The following TTC24 variants were observed in gnomAD, a reference collection of about 807,000 sequenced individuals.
The protein encoded by TTC24 is tetratricopeptide repeat protein 24.
A neutral mutation model predicts 63.3 loss-of-function variants in TTC24; 54 were observed. The observed-to-expected ratio is 0.85, with a 90% confidence interval of 0.69 to 1.07. The LOEUF (loss-of-function observed/expected upper bound fraction) is 1.07. Ranked by LOEUF, TTC24 falls within the 50% of genes least tolerant of loss-of-function variation. The pLI is 0.00. For synonymous variants in TTC24, 276 were observed against 304.3 expected, an observed-to-expected ratio of 0.91 and a Z score of 0.97; for missense variants, 680 against 730.5, an observed-to-expected ratio of 0.93 and a Z score of 0.80.
intron 3 of TTC24, among the ~76,000 whole-genome samples, 179 bp downstream of exon 3, chr1:156,582,613 T>A (rs879681306): frequency 5.3e-5 from 8 of 151,330 alleles, no homozygotes; most frequent in Non-Finnish European, 8.8e-5. Context: ...GGACAGAGGG[T>A]TGTGGGCCCA....
chr1:156,581,778 C>G lies in TTC24; in HGVS notation c.414C>G (p.Ala138=), dbSNP rs137899270. The change falls in exon 2 of 11, where the codon GCC becomes GCG. Residue 138 remains alanine, a synonymous_variant. Transcript: ENST00000368236. ...TCGGCGAGCTGCCTCAAGCTTTGGC[C>G]TGGTACCACAGGGCCCTGGGCCACT... The part of the protein sequence containing the change: ...HALGELPQAL[A]WYHRALGHYQ... 6.4e-7 allele frequency: 1 copy of G among 1,551,656 alleles called. No homozygotes were observed.
Position 156,586,035 on chromosome 1 carries a change from C to G in TTC24, c.1657C>G (p.Gln553Glu), listed in dbSNP as rs200997261. ...YPSILVPNGPQANRSSRWPRE... is the reference protein window; with the variant it reads ...YPSILVPNGPEANRSSRWPRE... ...TAGCATCTTGGTACCCAATGGCCCT[C>G]AAGCCAATAGGTGGGTCCTTGGGGG... The change falls in exon 10 of 11, where the codon CAA becomes GAA. Residue 553 changes from glutamine (Q) to glutamate (E), a missense_variant. By Grantham distance (29) the Gln-to-Glu change is conservative. Transcript: ENST00000368236. 6.4e-7 allele frequency: 1 copy of G among 1,568,312 alleles called. No homozygotes were observed. The highest frequency in any genetic ancestry group is 2.4e-5 in the East Asian group (1 of 42,126).
At chr1:156,579,792 G>T (rs540292988) in intron 1 of TTC24, 34 bp downstream of exon 1, 1 of 152,322 alleles carries the variant, frequency 6.6e-6, no homozygotes, top group East Asian at 1.9e-4. Flanking sequence ...CCCCACACTG[G>T]ATGGGGGTGG....
rs1447089868 is a variant in TTC24, at chr1:156,581,789, G to A, written c.425G>A (p.Arg142Lys). Residue 142 changes from arginine to lysine, a missense_variant, in exon 2 of 11, where the codon AGG (arginine) becomes AAG (lysine). Arg to Lys is a conservative substitution (Grantham distance 26). Transcript: ENST00000368236. ...CCTCAAGCTTTGGCCTGGTACCACA[G>A]GGCCCTGGGCCACTACCAGCCACAG... ...ELPQALAWYH[R>K]ALGHYQPQGD... 1 of 1,551,566 alleles carries A rather than the reference G, an allele frequency of 6.4e-7. No homozygotes were observed. The highest frequency in any genetic ancestry group is 8.7e-7 in the Non-Finnish European group (1 of 1,146,976).
chr1:156,583,984 G>A lies in TTC24; in HGVS notation c.1251+89G>A, dbSNP rs2102475261. The A allele has an allele frequency of 1.8e-6, 2 of 1,108,690 alleles. No individual in the cohort carries two copies. The highest frequency in any genetic ancestry group is 2.0e-5 in the Admixed American group (1 of 48,848). The allele number at this position is 1,108,690 out of a possible 1,614,324, so 68.7% of individuals were successfully genotyped here. On this transcript the variant is annotated intron_variant, in intron 6 of 10. Transcript: ENST00000368236. This position sits in a 1 kb window ranked among gnomAD's most constrained non-coding sequence, Gnocchi z 4.0. Reference sequence around the variant, plus strand: ...GGTAAGCAGAGACGCTGTTCCCTGGGATGCTGCGCGCTTGGCCGCTCATCT... The same window carrying A: ...GGTAAGCAGAGACGCTGTTCCCTGGAATGCTGCGCGCTTGGCCGCTCATCT...
At chr1:156,584,214 A>C (rs756718568) in intron 6 of TTC24, among the ~76,000 whole-genome samples, 7 of 152,234 alleles carry the variant, frequency 4.6e-5, no homozygotes, top group Non-Finnish European at 8.8e-5. Flanking sequence ...AAATGGCCAC[A>C]GGATGGAGAT....
In TTC24 at chr1:156,582,372, A is replaced by T; in HGVS notation, c.848A>T (p.His283Leu). The T allele has an allele frequency of 2.5e-6, 4 of 1,613,570 alleles. No homozygotes were observed. The highest frequency in any genetic ancestry group is 3.4e-6 in the Non-Finnish European group (4 of 1,179,730). The change falls in exon 3 of 11, where the codon CAC (histidine) becomes CTC (leucine). Residue 283 changes from histidine to leucine, a missense_variant. Transcript: ENST00000368236. ...GTGCTAAGAAACCTCGGGATGGCCC[A>T]CAATGCCCTCGGCAACTATCAGGAA... ...ATVLRNLGMA[H>L]NALGNYQEAR...
chr1:156,583,462 C>T lies in TTC24; in HGVS notation c.1152+12C>T. The stretch of plus-strand genomic sequence containing the variant: ...TGGCCCAGTGTCAGGTGAGACCCCG[C>T]ACACCGGAATCCACCTCTCCCCTGC... On this transcript the variant is annotated intron_variant, in intron 5 of 10. Coordinates refer to ENST00000368236, the MANE Select transcript of TTC24 (RefSeq NM_001105669.4). The surrounding 1 kb of genome is among the most constrained non-coding windows in gnomAD (Gnocchi z 4.0). The T allele has an allele frequency of 6.4e-7, 1 of 1,573,436 alleles. No individual in the cohort carries two copies.
In TTC24 at chr1:156,587,646, G is replaced by A. The variant is rs982634289; in HGVS notation, c.*1096G>A. Reference sequence around the variant, plus strand: ...AGCCCAGGAGTTTGAGACCACCCTGGGCAACATAGTGAGACCCCATGTCAA... The same window carrying A: ...AGCCCAGGAGTTTGAGACCACCCTGAGCAACATAGTGAGACCCCATGTCAA... On this transcript the variant is annotated 3_prime_UTR_variant, in exon 11 of 11. Transcript: ENST00000368236. 1.3e-5 allele frequency among the ~76,000 whole-genome samples: 2 copies of A among 151,760 alleles called. No individual in the cohort carries two copies. Among genetic ancestry groups the A allele is most frequent in the African/African-American group, 4.9e-5 (2 of 41,232 alleles).
rs1470676014 is a variant in TTC24 at position 156,587,044 on chromosome 1, C to T, written c.*494C>T. 6.6e-6 allele frequency among the ~76,000 whole-genome samples: 1 copy of T among 151,850 alleles called. No homozygotes were observed. The highest frequency in any genetic ancestry group is 1.5e-5 in the Non-Finnish European group (1 of 67,968). On this transcript the variant is annotated 3_prime_UTR_variant, in exon 11 of 11. Coordinates refer to ENST00000368236, the MANE Select transcript of TTC24 (RefSeq NM_001105669.4). ...GTGGCCTGTAGCCTGTAGGACAGCTCCTGCCAGCAGCCACAGGAACAGTGA... is the reference window on the plus strand; with the variant it reads ...GTGGCCTGTAGCCTGTAGGACAGCTTCTGCCAGCAGCCACAGGAACAGTGA...
Position 156,587,360 on chromosome 1 carries a change from T to A in TTC24, c.*810T>A, listed in dbSNP as rs1041321484. Among the ~76,000 whole-genome samples, 2 of 152,240 alleles carry A rather than the reference T, an allele frequency of 1.3e-5. No individual in the cohort carries two copies. The highest frequency in any genetic ancestry group is 4.8e-5 in the African/African-American group (2 of 41,466). On this transcript the variant is annotated 3_prime_UTR_variant, in exon 11 of 11. Transcript: ENST00000368236. ...CAGTAATCTGAATTCCCAGGTCACA[T>A]AACTAGTATGTAGAGAAGCTGGGAA...
chr1:156,583,246 T>A lies in TTC24; in HGVS notation c.1039+76T>A, dbSNP rs1330492532. 3 of 1,516,368 alleles carry A rather than the reference T, an allele frequency of 2.0e-6. No homozygotes were observed. 93.9% of individuals were successfully genotyped at this position (1,516,368 alleles called of 1,614,324 possible). On this transcript the variant is annotated intron_variant, in intron 4 of 10. Transcript: ENST00000368236. This position sits in a 1 kb window ranked among gnomAD's most constrained non-coding sequence, Gnocchi z 4.0. Reference sequence around the variant, plus strand: ...TCCTAGGGGCTGGCGGGGAGGCAGATGGGGGGAACTGAGGGTAGGGAGTGC... The same window carrying A: ...TCCTAGGGGCTGGCGGGGAGGCAGAAGGGGGGAACTGAGGGTAGGGAGTGC...
At position 156,583,934 on chromosome 1, in the gene TTC24, G is replaced by C. The variant is rs1379160590; in HGVS notation, c.1251+39G>C. The C allele has an allele frequency of 3.9e-6, 6 of 1,520,254 alleles. No individual in the cohort carries two copies. In the Admixed American group the frequency reaches 1.2e-4, roughly 30 times the overall value. The allele number at this position is 1,520,254 out of a possible 1,614,324, so 94.2% of individuals were successfully genotyped here. A position where few individuals can be genotyped will look rare whatever the true frequency, so the allele number is the denominator to read the frequency against. On this transcript the variant is annotated intron_variant, in intron 6 of 10. Coordinates refer to ENST00000368236, the MANE Select transcript of TTC24 (RefSeq NM_001105669.4). The surrounding 1 kb of genome is among the most constrained non-coding windows in gnomAD (Gnocchi z 4.0). ...TGAGACAAGGAGATGGGGGTGGAGAGAGGTTACCCAGAGAAGGGGTTGGTG... is the reference window on the plus strand; with the variant it reads ...TGAGACAAGGAGATGGGGGTGGAGACAGGTTACCCAGAGAAGGGGTTGGTG...
chr1:156,580,175 G>A (rs1432697578), intron 1 of TTC24, among the ~76,000 whole-genome samples: 1 of 152,124 alleles, frequency 6.6e-6, no homozygotes, highest in African/African-American at 2.4e-5. Flanking sequence ...GCTTCCCCTT[G>A]AGCTAGGGAA....
At position 156,586,020 on chromosome 1, in the gene TTC24, G is replaced by T; in HGVS notation, c.1642G>T (p.Val548Leu). The T allele has an allele frequency of 6.3e-7, 1 of 1,578,452 alleles. No individual in the cohort carries two copies. Among genetic ancestry groups the T allele is most frequent in the South Asian group, 1.2e-5 (1 of 86,682 alleles). Residue 548 changes from valine (V) to leucine (L), a missense_variant, in exon 10 of 11, where the codon GTA (valine) becomes TTA (leucine). Physicochemically the swap from Val to Leu is conservative, Grantham distance 32. Transcript: ENST00000368236. Reference protein sequence around the residue: ...PPRAEYPSILVPNGPQANRSS... With the variant: ...PPRAEYPSILLPNGPQANRSS... ...CAGAGCGGAGTACCCTAGCATCTTG[G>T]TACCCAATGGCCCTCAAGCCAATAG... is the stretch of plus-strand genomic sequence containing the variant.
Position 156,583,705 on chromosome 1 carries a change from C to A in TTC24, c.1153-92C>A. On this transcript the variant is annotated intron_variant, in intron 5 of 10. Transcript: ENST00000368236. This position sits in a 1 kb window ranked among gnomAD's most constrained non-coding sequence, Gnocchi z 4.0. ...GAGAGGGGAAACAAAGCCCCCCTCC[C>A]CCCTCCCTTTCCTGTTTCCTTCTTC... 2.0e-6 allele frequency: 2 copies of A among 999,654 alleles called. No individual in the cohort carries two copies. Among genetic ancestry groups the A allele is most frequent in the Non-Finnish European group, 3.0e-6 (2 of 659,964 alleles). 61.9% of individuals were successfully genotyped at this position (999,654 alleles called of 1,614,324 possible). A position where few individuals can be genotyped will look rare whatever the true frequency, so the allele number is the denominator to read the frequency against.
intron 9 of TTC24, 31 bp from the exon 10 acceptor site, chr1:156,585,918 G>A (rs369912228): frequency 4.6e-5 from 74 of 1,595,724 alleles, no homozygotes; most frequent in Middle Eastern, 1.7e-4. Context: ...AGAGAGGCAC[G>A]TGATGAATGT....
Position 156,586,455 on chromosome 1 carries a change from C to T in TTC24, c.1668-14C>T, listed in dbSNP as rs758511178. 3 of 1,611,488 alleles carry T rather than the reference C, an allele frequency of 1.9e-6. No homozygotes were observed. The highest frequency in any genetic ancestry group is 2.5e-6 in the Non-Finnish European group (3 of 1,178,954). On this transcript the variant is annotated splice_polypyrimidine_tract_variant and intron_variant, in intron 10 of 10. Coordinates refer to ENST00000368236, the MANE Select transcript of TTC24 (RefSeq NM_001105669.4). Reference sequence around the variant, plus strand: ...AGTCACCCCCACTGGCAAGCCCCTCCCTGCCTCTTTCAGGTCATCCAGGTG... The same window carrying T: ...AGTCACCCCCACTGGCAAGCCCCTCTCTGCCTCTTTCAGGTCATCCAGGTG...
rs1244009286 is a variant in TTC24 at position 156,583,422 on chromosome 1, A to T, written c.1124A>T (p.Tyr375Phe). The change falls in exon 5 of 11, where the codon TAC becomes TTC. Residue 375 changes from tyrosine to phenylalanine, a missense_variant. Transcript: ENST00000368236. This position sits in a 1 kb window ranked among gnomAD's most constrained non-coding sequence, Gnocchi z 4.0. The part of the protein sequence containing the change: ...RLGQYDQALK[Y>F]YKEALAQCQK... ...GGGCAGTATGACCAGGCCTTGAAGT[A>T]CTATAAGGAAGCACTGGCCCAGTGT... 5 of 1,608,528 alleles carry T rather than the reference A, an allele frequency of 3.1e-6. No individual in the cohort carries two copies. Among genetic ancestry groups the T allele is most frequent in the Non-Finnish European group, 4.2e-6 (5 of 1,178,244 alleles).
Sources: allele counts gnomAD v4.1 joint callset (sites outside exome capture counted in the v4.1 genomes callset), GRCh38; gene constraint gnomAD v4.1.1; non-coding constraint Gnocchi (gnomAD v3.1); transcripts MANE v1.5; gene names NCBI Gene and HGNC (gene_info 2026-07-23, HGNC 2026-07-21).